Variants in NMU observed in about 807,000 individuals in gnomAD.
The protein encoded by NMU is neuromedin U.
Under a neutral mutation model 35.4 loss-of-function variants are expected in NMU, and 29 were observed. The ratio of observed to expected loss-of-function variants is 0.82; its 90% confidence interval spans 0.61 to 1.12. The LOEUF (loss-of-function observed/expected upper bound fraction) is 1.12, where lower values mean the gene tolerates loss of function less well. Ranked by LOEUF, NMU falls within the 50% of genes most tolerant of loss-of-function variation. The pLI is 0.00. For synonymous variants in NMU, 78 were observed against 81.3 expected, an observed-to-expected ratio of 0.96 and a Z score of 0.22; for missense variants, 199 against 206.2, an observed-to-expected ratio of 0.97 and a Z score of 0.21.
At chr4:55,605,871 G>A (rs926748325) in intron 6 of NMU, among the ~76,000 whole-genome samples, 3 of 152,162 alleles carry the variant, frequency 2.0e-5, no homozygotes, top group African/African-American at 7.2e-5. Flanking sequence ...ATGTGTTCTC[G>A]ATAGTGAAAA....
intron 7 of NMU, 109 bp downstream of exon 7, chr4:55,605,166 T>C (rs1359677884): frequency 1.2e-6 from 1 of 809,034 alleles, no homozygotes; most frequent in African/African-American, 1.7e-5. Context: ...GGTATTAGTG[T>C]GGGCTTATCC....
At position 55,634,864 on chromosome 4, in the gene NMU, A is replaced by G. The variant is rs184194978; in HGVS notation, c.112+1217T>C. Among the ~76,000 whole-genome samples, 184 of 151,684 alleles carry G rather than the reference A, an allele frequency of 1.2e-3. 1 individual carries two copies. Among genetic ancestry groups the G allele is most frequent in the African/African-American group, 4.1e-3 (167 of 41,212 alleles). ...AGTTATCTTGCTTTTCAAGTAGGGG[A>G]GTCTCTCTTTCTGTCTCTCTCTCTC... On this transcript the variant is annotated intron_variant, in intron 1 of 9. Coordinates refer to ENST00000264218, the MANE Select transcript of NMU (RefSeq NM_006681.4).
At chr4:55,636,727 T>C (rs1182869999), upstream of NMU, 1 of 152,544 alleles carries the variant, frequency 6.6e-6, no homozygotes, top group Non-Finnish European at 1.5e-5. The surrounding 1 kb of genome is among the most constrained non-coding windows in gnomAD (Gnocchi z 4.0). Flanking sequence ...TCTGTTTTGT[T>C]CCCCGGTTTA....
At position 55,616,262 on chromosome 4, in the gene NMU, T is replaced by A. The variant is rs557283677; in HGVS notation, c.219+76A>T. The stretch of plus-strand genomic sequence containing the variant: ...CATGTTTTCACGAACACATAAAGGT[T>A]CCAAAGGCAGCAATGGAGAGTTTAA... On this transcript the variant is annotated intron_variant, in intron 3 of 9. Transcript: ENST00000264218. 24 of 1,009,372 alleles carry A rather than the reference T, an allele frequency of 2.4e-5. No individual in the cohort carries two copies. In the South Asian group the frequency reaches 2.8e-4, roughly 12 times the overall value. 62.5% of individuals were successfully genotyped at this position (1,009,372 alleles called of 1,614,324 possible).
intron 4 of NMU, 147 bp downstream of exon 4, chr4:55,608,973 C>T (rs1733817951): frequency 4.4e-6 from 3 of 674,650 alleles, no homozygotes; most frequent in Non-Finnish European, 8.0e-6. Context: ...ATCAGAGAAC[C>T]TGAAGTATTT....
At position 55,635,991 on chromosome 4, in the gene NMU, G is replaced by A. The variant is rs371017955; in HGVS notation, c.112+90C>T. 23 of 1,526,246 alleles carry A rather than the reference G, an allele frequency of 1.5e-5. No individual in the cohort carries two copies. In the African/African-American group the frequency reaches 1.8e-4, roughly 12 times the overall value. 94.5% of individuals were successfully genotyped at this position (1,526,246 alleles called of 1,614,324 possible). A position where few individuals can be genotyped will look rare whatever the true frequency, so the allele number is the denominator to read the frequency against. On this transcript the variant is annotated intron_variant, in intron 1 of 9. Coordinates refer to ENST00000264218, the MANE Select transcript of NMU (RefSeq NM_006681.4). ...AGTGAAGTCCCAGAAGCCAAGTAAA[G>A]GTGAGAGAAAGAGGGTGGAGGAGAG...
intron 7 of NMU, among the ~76,000 whole-genome samples, chr4:55,603,745 T>A (rs1330678473): frequency 1.3e-5 from 2 of 151,100 alleles, no homozygotes. Flanking sequence ...ACTCCGTCTC[T>A]ACTAAAAATA....
intron 7 of NMU, among the ~76,000 whole-genome samples, chr4:55,601,013 C>T (rs1733403759): frequency 6.6e-6 from 1 of 151,976 alleles, no homozygotes; most frequent in African/African-American, 2.4e-5. Flanking sequence ...AAAATATTAT[C>T]CAATATTTCT....
intron 3 of NMU, 88 bp downstream of exon 3, chr4:55,616,250 A>G: frequency 1.1e-6 from 1 of 889,880 alleles, no homozygotes; most frequent in Non-Finnish European, 1.9e-6. Context: ...GTTTTCACGA[A>G]CACATAAAGG....
At chr4:55,614,296 T>C (rs1460586942) in intron 3 of NMU, among the ~76,000 whole-genome samples, 3 of 152,174 alleles carry the variant, frequency 2.0e-5, no homozygotes, top group Non-Finnish European at 4.4e-5. Context: ...TATTTTTTAT[T>C]TGAGAGCCAA....
intron 7 of NMU, 112 bp downstream of exon 7, chr4:55,605,163 G>A (rs1340082694): frequency 1.3e-6 from 1 of 799,534 alleles, no homozygotes; most frequent in Non-Finnish European, 2.3e-6. Context: ...CTGGGTATTA[G>A]TGTGGGCTTA....
intron 3 of NMU, among the ~76,000 whole-genome samples, chr4:55,614,516 T>A (rs555690839): frequency 6.6e-6 from 1 of 152,306 alleles, no homozygotes; most frequent in African/African-American, 2.4e-5. Flanking sequence ...TATAAGAACA[T>A]CACCAATATA....
chr4:55,634,718 A>G (rs1715805497), intron 1 of NMU, among the ~76,000 whole-genome samples: 1 of 152,194 alleles, frequency 6.6e-6, no homozygotes, highest in African/African-American at 2.4e-5. Context: ...AGTTACCAAT[A>G]ATATATTTAA....
intron 6 of NMU, among the ~76,000 whole-genome samples, 185 bp downstream of exon 6, chr4:55,607,113 C>T (rs2110190810): frequency 6.6e-6 from 1 of 152,176 alleles, no homozygotes; most frequent in African/African-American, 2.4e-5. Context: ...ATTTAATGTA[C>T]AGGTAGTAAT....
intron 2 of NMU, among the ~76,000 whole-genome samples, chr4:55,626,144 T>G (rs1211116113): frequency 6.6e-6 from 1 of 152,216 alleles, no homozygotes; most frequent in African/African-American, 2.4e-5. Context: ...TGTTAACATT[T>G]GCGATTAACT....
At chr4:55,610,866 A>T (rs1733903654) in intron 3 of NMU, among the ~76,000 whole-genome samples, 1 of 152,160 alleles carries the variant, frequency 6.6e-6, no homozygotes, top group African/African-American at 2.4e-5. Flanking sequence ...CATCTTAATG[A>T]TCCTGACCTG....
chr4:55,631,902 T>C (rs777792338), intron 1 of NMU, among the ~76,000 whole-genome samples: 9 of 152,204 alleles, frequency 5.9e-5, no homozygotes, highest in Non-Finnish European at 1.3e-4. Context: ...TGCAAAGATA[T>C]GGAAACAACC....
intron 9 of NMU, among the ~76,000 whole-genome samples, chr4:55,596,793 C>G (rs1733200186): frequency 6.6e-6 from 1 of 152,112 alleles, no homozygotes; most frequent in Admixed American, 6.5e-5. Context: ...ACATTAAGAA[C>G]TACATTAAAT....
chr4:55,609,070 A>G, intron 4 of NMU, 50 bp downstream of exon 4: 1 of 1,500,400 alleles, frequency 6.7e-7, no homozygotes, highest in East Asian at 2.3e-5. Flanking sequence ...AAATTCCAAG[A>G]AATTTTTGGA....
Sources: allele counts gnomAD v4.1 joint callset (sites outside exome capture counted in the v4.1 genomes callset), GRCh38; gene constraint gnomAD v4.1.1; non-coding constraint Gnocchi (gnomAD v3.1); transcripts MANE v1.5; gene names NCBI Gene and HGNC (gene_info 2026-07-23, HGNC 2026-07-21).